PHKA1: variants seen among roughly 807,000 people sequenced by gnomAD.
PHKA1 encodes phosphorylase kinase regulatory subunit alpha 1.
Under a neutral mutation model 110.2 loss-of-function variants are expected in PHKA1, and 60 were observed. The ratio of observed to expected loss-of-function variants is 0.54; its 90% CI spans 0.44 to 0.68. The LOEUF (loss-of-function observed/expected upper bound fraction) is 0.68, where lower values mean the gene tolerates loss of function less well. Ranked by LOEUF, PHKA1 falls within the 30% of genes least tolerant of loss-of-function variation. The pLI is 0.00. For missense variants in PHKA1, 801 were observed against 942.5 expected (o/e 0.85, Z 1.97); for synonymous variants, 316 against 333.6 (o/e 0.95, Z 0.58).
At chrX:72,607,670 C>G (rs1292287781) in intron 23 of PHKA1, among the ~76,000 whole-genome samples, 2 of 111,672 alleles carry the variant, frequency 1.8e-5, no homozygotes, top group African/African-American at 6.5e-5. Flanking sequence ...TCCCATTGCA[C>G]CTTTCCAATT....
At chrX:72,667,503 T>G (rs781810371) in intron 6 of PHKA1, 30 bp from the exon 7 acceptor site, 2 of 1,069,317 alleles carry the variant, frequency 1.9e-6, no homozygotes, top group Non-Finnish European at 2.6e-6. Flanking sequence ...AATGGACAAG[T>G]TTAGCATTAG....
At chrX:72,592,305 C>T (rs112896679) in intron 29 of PHKA1, among the ~76,000 whole-genome samples, 337 of 112,526 alleles carry the variant, frequency 3.0e-3, no homozygotes, top group Non-Finnish European at 5.3e-3. Context: ...TGATTCTGTC[C>T]TTGGAAGAAT....
intron 14 of PHKA1, among the ~76,000 whole-genome samples, chrX:72,640,500 T>A (rs938782356): frequency 8.9e-6 from 1 of 112,445 alleles, no homozygotes; most frequent in African/African-American, 3.2e-5. Flanking sequence ...TATACTGTTA[T>A]TTTTCAAGAA....
intron 23 of PHKA1, 61 bp from the exon 24 acceptor site, chrX:72,605,680 G>T: frequency 1.2e-6 from 1 of 861,074 alleles, no homozygotes; most frequent in Non-Finnish European, 1.7e-6. Context: ...TAAATATGTT[G>T]AAAAAATGAA....
intron 13 of PHKA1, among the ~76,000 whole-genome samples, chrX:72,645,423 G>A (rs782637186): frequency 8.9e-6 from 1 of 112,287 alleles, no homozygotes; most frequent in South Asian, 3.7e-4. Context: ...GCCTTCCTTT[G>A]CCATTATCCT....
intron 13 of PHKA1, among the ~76,000 whole-genome samples, chrX:72,648,841 A>G (rs1349320793): frequency 8.9e-6 from 1 of 112,324 alleles, no homozygotes; most frequent in Non-Finnish European, 1.9e-5. Context: ...GAAGTGAAAG[A>G]GCCTTAAAGT....
intron 28 of PHKA1, among the ~76,000 whole-genome samples, chrX:72,601,568 A>G (rs1308612573): frequency 1.8e-5 from 2 of 110,689 alleles, no homozygotes; most frequent in Non-Finnish European, 1.9e-5. Context: ...GATATCGAGG[A>G]TAGGAGTTTC....
At chrX:72,610,730 A>C in intron 22 of PHKA1, among the ~76,000 whole-genome samples, 1 of 111,760 alleles carries the variant, frequency 8.9e-6, no homozygotes, top group East Asian at 2.8e-4. Context: ...ACTAAGTTCC[A>C]TTCCCACTAA....
intron 18 of PHKA1, chrX:72,621,765 C>G: frequency 5.3e-6 from 4 of 751,525 alleles, no homozygotes; most frequent in Non-Finnish European, 6.3e-6. Flanking sequence ...ACCTTGAATA[C>G]AATCTAGAGA....
intron 14 of PHKA1, among the ~76,000 whole-genome samples, chrX:72,642,746 G>A (rs1177871352): frequency 9.0e-6 from 1 of 111,287 alleles, no homozygotes; most frequent in Non-Finnish European, 1.9e-5. Context: ...GAGGGAACCA[G>A]GAGTATTTTA....
rs1256371424 is a variant in PHKA1, at chrX:72,657,614, G to A, written c.892C>T (p.Arg298Ter). 5 of 1,197,148 alleles carry A rather than the reference G, an allele frequency of 4.2e-6. No homozygotes were observed. Among genetic ancestry groups the A allele is most frequent in the South Asian group, 3.5e-5 (2 of 56,650 alleles). The change falls in exon 9 of 32, where the codon CGA (arginine) becomes TGA (stop). Residue 298 changes from arginine (R) to a stop codon, truncating the protein, a stop_gained. Transcript: ENST00000373542. LOFTEE classifies it high-confidence loss of function. ...TCTTTAGGAGTTTTATATCCATCTC[G>A]TAGAAAGCGACAGCAACCATAACGA... ...QGRYGCCRFL[R>*]DGYKTPKEDP...
intron 8 of PHKA1, chrX:72,660,509 C>T: frequency 2.6e-6 from 1 of 390,271 alleles, no homozygotes; most frequent in Non-Finnish European, 4.0e-6. Context: ...CTATACAATC[C>T]CAGATGAGTA....
At position 72,623,272 on chromosome X, in the gene PHKA1, A is replaced by G. The variant is rs1287114813; in HGVS notation, c.1797T>C (p.Val599=). Residue 599 remains valine (V), a synonymous_variant, in exon 18 of 32, where the codon GTT becomes GTC. Coordinates refer to ENST00000373542, the MANE Select transcript of PHKA1 (RefSeq NM_002637.4). ...MQDGYFGGAR[V]QTGKLSEFLT... ...AAAACTCTGACAATTTACCTGTTTG[A>G]ACCCTAAAAATTAGAGGAGGATAGA... is the stretch of plus-strand genomic sequence containing the variant. 8.3e-7 allele frequency: 1 copy of G among 1,206,188 alleles called. No homozygotes were observed. The highest frequency in any genetic ancestry group is 1.7e-5 in the African/African-American group (1 of 57,655).
At chrX:72,635,347 A>G in intron 15 of PHKA1, 48 bp from the exon 16 acceptor site, 1 of 1,098,383 alleles carries the variant, frequency 9.1e-7, no homozygotes, top group Non-Finnish European at 1.2e-6. Flanking sequence ...TCTCACAATT[A>G]TCAAGTAATA....
chrX:72,713,186 G>A (rs1368441520), intron 1 of PHKA1, among the ~76,000 whole-genome samples: 1 of 111,753 alleles, frequency 8.9e-6, no homozygotes, highest in Admixed American at 9.5e-5. Context: ...GATGATTTAT[G>A]TATTCATTGG....
chrX:72,614,695 T>A (rs371421357), intron 21 of PHKA1, among the ~76,000 whole-genome samples: 7 of 111,718 alleles, frequency 6.3e-5, no homozygotes, highest in Non-Finnish European at 1.3e-4. Context: ...TAAATAAAAG[T>A]TGAAAGTCAA....
At chrX:72,647,111 G>A (rs1159364821) in intron 13 of PHKA1, among the ~76,000 whole-genome samples, 1 of 106,520 alleles carries the variant, frequency 9.4e-6, no homozygotes, top group Non-Finnish European at 1.9e-5. Flanking sequence ...CAGCCTAGGC[G>A]ACAGAGTGAC....
chrX:72,619,040 CCAGA>C (rs1556273205), intron 20 of PHKA1, among the ~76,000 whole-genome samples, 170 bp downstream of exon 20: 1 of 112,048 alleles, frequency 8.9e-6, no homozygotes, highest in African/African-American at 3.2e-5. Flanking sequence ...CAAAGTCTGA[CCAGA>C]CAAACTTGCC....
At chrX:72,654,720 T>G (rs2053469205) in intron 10 of PHKA1, among the ~76,000 whole-genome samples, 1 of 112,143 alleles carries the variant, frequency 8.9e-6, no homozygotes, top group Non-Finnish European at 1.9e-5. Context: ...ATGTGTTACA[T>G]TTTATGTGCT....
Sources: allele counts gnomAD v4.1 joint callset (sites outside exome capture counted in the v4.1 genomes callset), GRCh38; gene constraint gnomAD v4.1.1; transcripts MANE v1.5; gene names NCBI Gene and HGNC (gene_info 2026-07-23, HGNC 2026-07-21).